CLTCL1: variants seen among roughly 807,000 people sequenced by gnomAD.
CLTCL1 encodes clathrin heavy chain 2.
CLTCL1 carries 159 observed loss-of-function variants against 190.0 expected under a neutral mutation model. The observed-to-expected ratio is 0.84, with a 90% CI of 0.74 to 0.95. CLTCL1 has a LOEUF of 0.95. CLTCL1 is among the 40% of genes least tolerant of loss of function. CLTCL1 has a pLI of 0.00. For synonymous variants in CLTCL1, 752 were observed against 769.6 expected, an observed-to-expected ratio of 0.98 and a Z score of 0.38; for missense variants, 1,878 against 2,033.4, an observed-to-expected ratio of 0.92 and a Z score of 1.47.
At chr22:19,243,840 G>A (rs747507677) in intron 3 of CLTCL1, among the ~76,000 whole-genome samples, 108 of 151,468 alleles carry the variant, frequency 7.1e-4, no homozygotes, top group Middle Eastern at 3.2e-3. Flanking sequence ...TGGGACTATA[G>A]GCGCCCGCCA....
chr22:19,226,076 T>C, intron 12 of CLTCL1, 143 bp downstream of exon 12: 1 of 951,268 alleles, frequency 1.1e-6, no homozygotes, highest in East Asian at 2.7e-5. Context: ...TAGAACTGCT[T>C]TTGGTAGTAA....
intron 4 of CLTCL1, among the ~76,000 whole-genome samples, chr22:19,239,942 TTTC>T (rs1244747438): frequency 2.7e-5 from 4 of 150,776 alleles, no homozygotes; most frequent in Non-Finnish European, 4.4e-5. Context: ...TAACTTTCTT[TTTC>T]TTCTTTTTTT....
intron 3 of CLTCL1, among the ~76,000 whole-genome samples, chr22:19,248,486 A>G (rs2086489890): frequency 6.6e-6 from 1 of 152,172 alleles, no homozygotes; most frequent in Non-Finnish European, 1.5e-5. Flanking sequence ...CTGTGCAATC[A>G]TCACTACAAC....
At position 19,209,497 on chromosome 22, in the gene CLTCL1, C is replaced by T. The variant is rs2085152730; in HGVS notation, c.3250-383G>A. Among the ~76,000 whole-genome samples, 4 of 152,258 alleles carry T rather than the reference C, an allele frequency of 2.6e-5. No homozygotes were observed. In the South Asian group the frequency reaches 8.3e-4, roughly 32 times the overall value. On this transcript the variant is annotated intron_variant, in intron 20 of 32. Coordinates refer to ENST00000427926, the MANE Select transcript of CLTCL1 (RefSeq NM_007098.4). ...GTGGGGAATAAGATTGCTCACCAGG[C>T]AGAAACAGGCTTGCTGAGCAGTCTG...
intron 5 of CLTCL1, 88 bp from the exon 6 acceptor site, chr22:19,235,957 T>C (rs1462747054): frequency 5.3e-6 from 6 of 1,127,938 alleles, no homozygotes; most frequent in African/African-American, 4.7e-5. Flanking sequence ...AAGAGGATTC[T>C]TGTTTGTTTG....
At chr22:19,271,386 G>C (rs535081418) in intron 2 of CLTCL1, among the ~76,000 whole-genome samples, 1 of 152,024 alleles carries the variant, frequency 6.6e-6, no homozygotes, top group African/African-American at 2.4e-5. Context: ...ATGGGTATAA[G>C]TGTGTGTGTG....
chr22:19,204,028 C>T lies in CLTCL1; in HGVS notation c.3601-2535G>A, dbSNP rs541204893. On this transcript the variant is annotated intron_variant, in intron 22 of 32. Coordinates refer to ENST00000427926, the MANE Select transcript of CLTCL1 (RefSeq NM_007098.4). Reference sequence around the variant, plus strand: ...TTGCCTTGCCCACTTTATCTGCTGTCGCTGCCCCTTGCGACATCACTGCAC... The same window carrying T: ...TTGCCTTGCCCACTTTATCTGCTGTTGCTGCCCCTTGCGACATCACTGCAC... Among the ~76,000 whole-genome samples the T allele has an allele frequency of 1.1e-3, 170 of 152,348 alleles. 1 individual carries two copies. The highest frequency in any genetic ancestry group is 3.8e-3 in the African/African-American group (160 of 41,574).
chr22:19,220,131 A>G, intron 17 of CLTCL1, 124 bp from the exon 18 acceptor site: 1 of 1,199,578 alleles, frequency 8.3e-7, no homozygotes, highest in East Asian at 2.3e-5. Flanking sequence ...GGGCCCAGGC[A>G]AGACGCTATG....
chr22:19,224,395 A>C (rs2085673902), intron 13 of CLTCL1, among the ~76,000 whole-genome samples: 1 of 152,136 alleles, frequency 6.6e-6, no homozygotes, highest in Admixed American at 6.5e-5. Context: ...CTGCTTCTCT[A>C]AAAAGACACA....
chr22:19,191,231 G>A, intron 27 of CLTCL1, 73 bp downstream of exon 27: 2 of 1,571,018 alleles, frequency 1.3e-6, no homozygotes, highest in Non-Finnish European at 1.7e-6. Flanking sequence ...TCTTTATAAA[G>A]GTGCTATCAT....
At chr22:19,190,596 C>CAAAAAAAAAAAAAAAAAAAA (rs55780206) in intron 27 of CLTCL1, among the ~76,000 whole-genome samples, 9 of 72,820 alleles carry the variant, frequency 1.2e-4, no homozygotes, top group Non-Finnish European at 1.8e-4. Flanking sequence ...AAGACTGTCT[C>CAAAAAAAAAAAAAAAAAAAA]AAAAAAAAAA....
chr22:19,210,881 G>A (rs1170494611), intron 19 of CLTCL1, among the ~76,000 whole-genome samples: 1 of 152,026 alleles, frequency 6.6e-6, no homozygotes, highest in Non-Finnish European at 1.5e-5. Flanking sequence ...AGCAATATAG[G>A]CAGCTTTGCA....
At chr22:19,239,814 G>A (rs2086193971) in intron 4 of CLTCL1, among the ~76,000 whole-genome samples, 2 of 152,138 alleles carry the variant, frequency 1.3e-5, no homozygotes, top group Admixed American at 1.3e-4. Context: ...TCCTCACCAT[G>A]GCACAGGCCT....
At chr22:19,200,952 C>G (rs2084862778) in intron 23 of CLTCL1, among the ~76,000 whole-genome samples, 1 of 152,160 alleles carries the variant, frequency 6.6e-6, no homozygotes, top group Non-Finnish European at 1.5e-5. Flanking sequence ...TCAGTTTTTT[C>G]TACTTGAAGA....
chr22:19,263,118 A>G (rs1281149250), intron 2 of CLTCL1, among the ~76,000 whole-genome samples: 2 of 151,208 alleles, frequency 1.3e-5, no homozygotes, highest in Non-Finnish European at 2.9e-5. Context: ...TTATTCATTT[A>G]TTTATTTATT....
At chr22:19,185,028 T>C (rs1245427119) in intron 29 of CLTCL1, among the ~76,000 whole-genome samples, 4 of 152,254 alleles carry the variant, frequency 2.6e-5, no homozygotes, top group African/African-American at 9.6e-5. Context: ...CATCTGGAAA[T>C]ACAGTTTTCT....
At position 19,288,109 on chromosome 22, in the gene CLTCL1, G is replaced by A. The variant is rs2087973783; in HGVS notation, c.42+3491C>T. On this transcript the variant is annotated intron_variant, in intron 1 of 32. Coordinates refer to ENST00000427926, the MANE Select transcript of CLTCL1 (RefSeq NM_007098.4). ...CTCTGCCCAGCATATCCACGCTGTA[G>A]ACATTGCCAGCCCATTAGTCACTTA... 2.0e-5 allele frequency among the ~76,000 whole-genome samples: 3 copies of A among 152,260 alleles called. No homozygotes were observed. The South Asian group carries it at 6.2e-4, about 32-fold the overall frequency.
At chr22:19,234,370 CA>C in intron 7 of CLTCL1, 138 bp downstream of exon 7, 1 of 760,818 alleles carries the variant, frequency 1.3e-6, no homozygotes, top group South Asian at 2.3e-5. Flanking sequence ...GCCATTGGTG[CA>C]AAAATTTTAA....
intron 13 of CLTCL1, 135 bp from the exon 14 acceptor site, chr22:19,224,189 T>C (rs1016042890): frequency 3.6e-6 from 3 of 844,894 alleles, no homozygotes; most frequent in Non-Finnish European, 5.5e-6. Context: ...ATAATCAATA[T>C]GCCATTTGTC....
Sources: allele counts gnomAD v4.1 joint callset (sites outside exome capture counted in the v4.1 genomes callset), GRCh38; gene constraint gnomAD v4.1.1; transcripts MANE v1.5; gene names NCBI Gene and HGNC (gene_info 2026-07-23, HGNC 2026-07-21).